Variants in LDLRAD4 observed in about 807,000 individuals in gnomAD.
The protein encoded by LDLRAD4 is low-density lipoprotein receptor class A domain-containing protein 4.
In LDLRAD4, 5 loss-of-function variants were observed where a neutral mutation model predicts 17.0. The observed-to-expected ratio is 0.29, with a 90% confidence interval of 0.15 to 0.62. The LOEUF is 0.62. LDLRAD4 is among the 20% of genes least tolerant of loss of function. The probability of loss-of-function intolerance (pLI) is 0.84; values close to 1 mark genes in which losing one functional copy is unlikely to be tolerated. For missense variants in LDLRAD4, 340 were observed against 424.7 expected (o/e 0.80, Z 1.75); for synonymous variants, 168 against 171.8 (o/e 0.98, Z 0.17).
At chr18:13,223,170 T>C (rs1347636551) in intron 1 of LDLRAD4, among the ~76,000 whole-genome samples, 2 of 152,102 alleles carry the variant, frequency 1.3e-5, no homozygotes, top group African/African-American at 4.8e-5. Context: ...CTCTTCTCTT[T>C]GTGGATGGGA....
intron 3 of LDLRAD4, among the ~76,000 whole-genome samples, chr18:13,478,274 G>C (rs1471866866): frequency 6.6e-6 from 1 of 152,156 alleles, no homozygotes; most frequent in African/African-American, 2.4e-5. Flanking sequence ...TACTGTAACG[G>C]AATCGCCAGG....
At chr18:13,423,740 C>T (rs2089686646) in intron 2 of LDLRAD4, 3 of 152,598 alleles carry the variant, frequency 2.0e-5, no homozygotes, top group African/African-American at 7.2e-5. Context: ...CACACATGTC[C>T]TTTATGTCAT....
chr18:13,401,187 G>C (rs2087157448), intron 2 of LDLRAD4, among the ~76,000 whole-genome samples: 1 of 151,960 alleles, frequency 6.6e-6, no homozygotes, highest in African/African-American at 2.4e-5. Flanking sequence ...GTTGGTGTTT[G>C]GGGAACAGTG....
chr18:13,267,997 G>T (rs2044316924), intron 1 of LDLRAD4, among the ~76,000 whole-genome samples: 1 of 152,170 alleles, frequency 6.6e-6, no homozygotes, highest in Non-Finnish European at 1.5e-5. Flanking sequence ...GTAGTAGCTG[G>T]GACGACAACT....
chr18:13,629,102 A>C (rs1284454116), intron 4 of LDLRAD4, among the ~76,000 whole-genome samples: 1 of 152,168 alleles, frequency 6.6e-6, no homozygotes, highest in African/African-American at 2.4e-5. Context: ...AAGTGCTAGG[A>C]TTACAGGCCT....
chr18:13,315,287 A>C (rs962772858), intron 1 of LDLRAD4, among the ~76,000 whole-genome samples: 1 of 152,222 alleles, frequency 6.6e-6, no homozygotes, highest in African/African-American at 2.4e-5. Flanking sequence ...CAGGGCCTCC[A>C]GTTCTCCTGT....
At position 13,424,454 on chromosome 18, in the gene LDLRAD4, G is replaced by A. The variant is rs192170106; in HGVS notation, c.41-13790G>A. 5.8e-3 allele frequency among the ~76,000 whole-genome samples: 890 copies of A among 152,256 alleles called. 10 individuals carry two copies. The highest frequency in any genetic ancestry group is 8.0e-3 in the Non-Finnish European group (545 of 68,028). On this transcript the variant is annotated intron_variant, in intron 2 of 5. Coordinates refer to ENST00000359446, the Ensembl canonical transcript of LDLRAD4. ...ACTTCTCTTTTCCCCTCCCTTTAGC[G>A]CATTTGAGTCCATTTAAGTTGAAGC... is the stretch of plus-strand genomic sequence containing the variant.
At chr18:13,618,428 T>A (rs116454083) in intron 3 of LDLRAD4, among the ~76,000 whole-genome samples, 1 of 152,360 alleles carries the variant, frequency 6.6e-6, no homozygotes, top group African/African-American at 2.4e-5. Context: ...ATAAAAATCC[T>A]TTTCAAATGA....
At position 13,348,307 on chromosome 18, in the gene LDLRAD4, G is replaced by T. The variant is rs567584366; in HGVS notation, c.-382-39034G>T. 9.8e-5 allele frequency among the ~76,000 whole-genome samples: 15 copies of T among 152,348 alleles called. 1 individual carries two copies. Among genetic ancestry groups the T allele is most frequent in the African/African-American group, 3.6e-4 (15 of 41,592 alleles). Reference sequence around the variant, plus strand: ...CTTCTAATAGTCAGGACCCTCAGCTGCAGGTCTTTTGGAGTTTGCTGGAGG... The same window carrying T: ...CTTCTAATAGTCAGGACCCTCAGCTTCAGGTCTTTTGGAGTTTGCTGGAGG... On this transcript the variant is annotated intron_variant, in intron 1 of 5. Coordinates refer to ENST00000359446, the Ensembl canonical transcript of LDLRAD4.
chr18:13,555,902 T>C (rs2094478418), intron 3 of LDLRAD4, among the ~76,000 whole-genome samples: 1 of 152,232 alleles, frequency 6.6e-6, no homozygotes, highest in Non-Finnish European at 1.5e-5. Context: ...GAATTATTCT[T>C]ACCTTATTTT....
At chr18:13,278,662 AT>A (rs34537496) in intron 1 of LDLRAD4, among the ~76,000 whole-genome samples, 2 of 152,128 alleles carry the variant, frequency 1.3e-5, no homozygotes, top group East Asian at 1.9e-4. Flanking sequence ...TATAAGGTCC[AT>A]TTTTTTCCCT....
chr18:13,281,273 C>T (rs1458825499), intron 1 of LDLRAD4, among the ~76,000 whole-genome samples: 1 of 152,132 alleles, frequency 6.6e-6, no homozygotes, highest in Admixed American at 6.5e-5. Context: ...CCTGTGGTCC[C>T]AGCTACTCAG....
chr18:13,609,592 AT>A (rs1162463418), intron 3 of LDLRAD4, among the ~76,000 whole-genome samples: 2 of 152,142 alleles, frequency 1.3e-5, no homozygotes, highest in Non-Finnish European at 2.9e-5. Flanking sequence ...GTAAACTTGT[AT>A]TCATAAAGTC....
intron 2 of LDLRAD4, among the ~76,000 whole-genome samples, chr18:13,403,911 A>G (rs2087463861): frequency 6.6e-6 from 1 of 152,158 alleles, no homozygotes; most frequent in Non-Finnish European, 1.5e-5. Flanking sequence ...TGGGTGGAAG[A>G]GGGAGGCCAT....
chr18:13,624,177 CGG>C (rs2040908191), intron 4 of LDLRAD4, among the ~76,000 whole-genome samples: 1 of 91,572 alleles, frequency 1.1e-5, no homozygotes. Flanking sequence ...TGAGCACTGC[CGG>C]ACCCACCAGG....
At chr18:13,339,013 T>C (rs1196306789) in intron 1 of LDLRAD4, among the ~76,000 whole-genome samples, 2 of 152,170 alleles carry the variant, frequency 1.3e-5, no homozygotes, top group Non-Finnish European at 2.9e-5. Context: ...ATCTGTGACA[T>C]GGAATTTGAG....
chr18:13,314,084 A>G (rs2080806070), intron 1 of LDLRAD4, among the ~76,000 whole-genome samples: 1 of 152,078 alleles, frequency 6.6e-6, no homozygotes. Context: ...TCGGTTTCTA[A>G]ATGGTTGGTA....
At chr18:13,399,170 C>T (rs1301050264) in intron 2 of LDLRAD4, among the ~76,000 whole-genome samples, 1 of 151,622 alleles carries the variant, frequency 6.6e-6, no homozygotes, top group African/African-American at 2.4e-5. Context: ...GCACTCCAGC[C>T]TGGGTGACAG....
At chr18:13,520,068 A>G (rs1281419990) in intron 3 of LDLRAD4, 2 of 152,192 alleles carry the variant, frequency 1.3e-5, no homozygotes, top group Non-Finnish European at 2.9e-5. Flanking sequence ...AGAACAAGGA[A>G]TTTTCTCAAC....
Sources: gnomAD v4.1 joint callset for allele counts (sites outside exome capture counted in the v4.1 genomes callset) on GRCh38, gnomAD v4.1.1 for gene constraint, MANE v1.5 for transcripts, NCBI Gene and HGNC (gene_info 2026-07-23, HGNC 2026-07-21) for gene names.